The following PTPRD variants were observed in gnomAD, a reference collection of about 807,000 sequenced individuals.
The protein encoded by PTPRD is receptor-type tyrosine-protein phosphatase delta.
Under a neutral mutation model 214.5 loss-of-function variants are expected in PTPRD, and 34 were observed. The observed-to-expected ratio is 0.16, with a 90% CI of 0.12 to 0.21. The LOEUF is 0.21. Among genes scored for constraint, PTPRD ranks in the 10% least tolerant of loss-of-function variants. PTPRD has a pLI of 1.00. For missense variants in PTPRD, 2,545 were observed against 2,398.7 expected, an observed-to-expected ratio of 1.06 and a Z score of -1.27; for synonymous variants, 1,128 against 845.7, an observed-to-expected ratio of 1.33 and a Z score of -5.79.
intron 2 of PTPRD, among the ~76,000 whole-genome samples, chr9:10,597,856 A>G (rs2076973159): frequency 6.6e-6 from 1 of 151,864 alleles, no homozygotes; most frequent in African/African-American, 2.4e-5. Context: ...AGAACATAAC[A>G]GGACTTCCAT....
chr9:8,490,312 G>T (rs1205488655), intron 27 of PTPRD, among the ~76,000 whole-genome samples: 13 of 152,018 alleles, frequency 8.6e-5, no homozygotes, highest in Admixed American at 8.5e-4. Flanking sequence ...AATTTCCTAG[G>T]ACTTCAGAAT....
At chr9:10,262,430 G>C (rs2093757741) in intron 3 of PTPRD, among the ~76,000 whole-genome samples, 1 of 152,146 alleles carries the variant, frequency 6.6e-6, no homozygotes, top group African/African-American at 2.4e-5. Flanking sequence ...ATGTTCAGAA[G>C]ATTTGAGCCA....
chr9:9,216,988 A>C (rs1593791321), intron 9 of PTPRD, among the ~76,000 whole-genome samples: 1 of 152,010 alleles, frequency 6.6e-6, no homozygotes, highest in South Asian at 2.1e-4. Context: ...GCGGGATTTT[A>C]AAGAGTAGAG....
At chr9:9,764,229 G>A (rs1204923938) in intron 6 of PTPRD, among the ~76,000 whole-genome samples, 3 of 152,106 alleles carry the variant, frequency 2.0e-5, no homozygotes, top group Non-Finnish European at 1.5e-5. Context: ...TTATGGGCAT[G>A]CTATGGAGGT....
chr9:10,114,131 G>A (rs1479744150), intron 3 of PTPRD, among the ~76,000 whole-genome samples: 3 of 152,130 alleles, frequency 2.0e-5, no homozygotes, highest in Admixed American at 1.3e-4. Flanking sequence ...TCAAAGCACT[G>A]TAAAGGTGGA....
intron 12 of PTPRD, among the ~76,000 whole-genome samples, chr9:8,726,315 G>A (rs1415648178): frequency 4.0e-5 from 6 of 151,710 alleles, no homozygotes; most frequent in South Asian, 2.1e-4. Flanking sequence ...ACAGCTGGGT[G>A]TGGTGGCTCA....
intron 19 of PTPRD, among the ~76,000 whole-genome samples, chr9:8,522,764 G>A (rs2097916461): frequency 6.6e-6 from 1 of 152,114 alleles, no homozygotes; most frequent in Non-Finnish European, 1.5e-5. Context: ...GCTTTTACTG[G>A]CAAAATGTCA....
At chr9:9,228,926 A>G (rs894085614) in intron 9 of PTPRD, among the ~76,000 whole-genome samples, 5 of 152,002 alleles carry the variant, frequency 3.3e-5, no homozygotes, top group Admixed American at 6.6e-5. Flanking sequence ...TAGTTTATGT[A>G]TGTACATTAC....
chr9:10,561,706 G>A (rs1223145208), intron 2 of PTPRD, among the ~76,000 whole-genome samples: 1 of 152,010 alleles, frequency 6.6e-6, no homozygotes, highest in Admixed American at 6.6e-5. Flanking sequence ...ATCCTCAGAA[G>A]GTTTCACTTT....
At chr9:9,053,085 G>T (rs756202655) in intron 10 of PTPRD, among the ~76,000 whole-genome samples, 3 of 152,078 alleles carry the variant, frequency 2.0e-5, no homozygotes, top group Non-Finnish European at 4.4e-5. Flanking sequence ...TTATATCTTA[G>T]ATATAGGGGT....
At chr9:9,927,207 C>T (rs918808738) in intron 5 of PTPRD, among the ~76,000 whole-genome samples, 5 of 152,068 alleles carry the variant, frequency 3.3e-5, no homozygotes, top group African/African-American at 1.2e-4. Flanking sequence ...GGGGGTACAA[C>T]ACAATGTAAA....
intron 14 of PTPRD, among the ~76,000 whole-genome samples, chr9:8,597,097 G>C (rs2094516486): frequency 6.6e-6 from 1 of 152,050 alleles, no homozygotes; most frequent in Admixed American, 6.6e-5. Flanking sequence ...TTACAATCAT[G>C]CGTTACAAAT....
At chr9:9,154,868 A>C (rs763525723) in intron 10 of PTPRD, among the ~76,000 whole-genome samples, 21 of 152,194 alleles carry the variant, frequency 1.4e-4, no homozygotes, top group Non-Finnish European at 2.2e-4. Flanking sequence ...TTAACCAGTA[A>C]AAAATATTAT....
At chr9:9,003,503 G>C (rs186448346) in intron 11 of PTPRD, among the ~76,000 whole-genome samples, 1 of 152,092 alleles carries the variant, frequency 6.6e-6, no homozygotes, top group East Asian at 1.9e-4. Flanking sequence ...CTCCAAGAGA[G>C]GTGAGCTAAG....
chr9:10,566,663 T>G (rs1473248989), intron 2 of PTPRD, among the ~76,000 whole-genome samples: 1 of 152,034 alleles, frequency 6.6e-6, no homozygotes, highest in Non-Finnish European at 1.5e-5. Context: ...TATGGTATTT[T>G]CTGGACAGAA....
intron 10 of PTPRD, among the ~76,000 whole-genome samples, chr9:9,171,181 T>C (rs1476998134): frequency 3.9e-5 from 6 of 152,134 alleles, no homozygotes; most frequent in Admixed American, 6.6e-5. Context: ...TTATCATTGA[T>C]TCTTGTGGAA....
intron 3 of PTPRD, among the ~76,000 whole-genome samples, chr9:10,195,294 G>A (rs1364121328): frequency 6.6e-6 from 1 of 151,976 alleles, no homozygotes; most frequent in African/African-American, 2.4e-5. Flanking sequence ...GGTAATGATT[G>A]AGCCTACATA....
chr9:9,926,436 A>G (rs896638262), intron 5 of PTPRD, among the ~76,000 whole-genome samples: 1 of 152,138 alleles, frequency 6.6e-6, no homozygotes, highest in African/African-American at 2.4e-5. Context: ...AAAGGAAGAT[A>G]TCAAGGAGGC....
chr9:10,595,787 A>C (rs1402209203), intron 2 of PTPRD, among the ~76,000 whole-genome samples: 2 of 151,768 alleles, frequency 1.3e-5, no homozygotes, highest in African/African-American at 4.8e-5. Flanking sequence ...GTGGGGGGAA[A>C]GAAGCTAATA....
Sources: allele counts gnomAD v4.1 joint callset (sites outside exome capture counted in the v4.1 genomes callset), GRCh38; gene constraint gnomAD v4.1.1; transcripts MANE v1.5; gene names NCBI Gene and HGNC (gene_info 2026-07-23, HGNC 2026-07-21).